TENM1: variants seen among roughly 807,000 people sequenced by gnomAD.
TENM1 encodes teneurin transmembrane protein 1.
A neutral mutation model predicts 174.8 loss-of-function variants in TENM1; 35 were observed. The ratio of observed to expected loss-of-function variants is 0.20; its 90% CI spans 0.15 to 0.27. TENM1 has a LOEUF of 0.27. Among genes scored for constraint, TENM1 ranks in the 10% least tolerant of loss-of-function variants. The pLI is 1.00. For missense variants in TENM1, 1,633 were observed against 2,130.1 expected (o/e 0.77, Z 4.59); for synonymous variants, 781 against 798.7 (o/e 0.98, Z 0.37).
chrX:124,428,002 C>T lies in TENM1; in HGVS notation c.4105-5364G>A, dbSNP rs56812740. On this transcript the variant is annotated intron_variant, in intron 23 of 31. Coordinates refer to ENST00000422452, the Ensembl canonical transcript of TENM1. ...CAGCAGCAAAGCTCTGTAAACTCTG[C>T]CTAGTGACCCAACCTACAGGCAAAC... Among the ~76,000 whole-genome samples the T allele has an allele frequency of 6.6e-3, 734 of 111,787 alleles. 3 individuals are homozygous for T. Among genetic ancestry groups the T allele is most frequent in the African/African-American group, 0.022 (685 of 30,742 alleles).
chrX:124,926,088 T>C (rs2058088240), intron 1 of TENM1, among the ~76,000 whole-genome samples: 1 of 112,564 alleles, frequency 8.9e-6, no homozygotes, highest in African/African-American at 3.2e-5. Context: ...ATAGGGTACA[T>C]GGGATGTCAG....
At chrX:124,681,857 G>T (rs2052243445) in intron 5 of TENM1, among the ~76,000 whole-genome samples, 1 of 111,624 alleles carries the variant, frequency 9.0e-6, no homozygotes, top group Non-Finnish European at 1.9e-5. Flanking sequence ...GCCCAATAAA[G>T]GTTAGCAATC....
chrX:124,580,405 T>C (rs898342146), intron 11 of TENM1, among the ~76,000 whole-genome samples: 10 of 109,925 alleles, frequency 9.1e-5, no homozygotes, highest in African/African-American at 3.3e-4. Flanking sequence ...TATATATATA[T>C]ATGTATATAT....
chrX:125,138,235 C>T, the TENM1 span, among the ~76,000 whole-genome samples: 1 of 100,688 alleles, frequency 9.9e-6, no homozygotes, highest in African/African-American at 3.9e-5. Flanking sequence ...AGGGAGACAG[C>T]ACGGGCTCAA....
chrX:124,879,166 C>A (rs1240162227), intron 3 of TENM1, among the ~76,000 whole-genome samples: 1 of 111,587 alleles, frequency 9.0e-6, no homozygotes, highest in East Asian at 2.8e-4. Flanking sequence ...TTGAAATATA[C>A]AATACATTGC....
intron 1 of TENM1, among the ~76,000 whole-genome samples, chrX:124,947,546 C>G (rs2058421472): frequency 9.0e-6 from 1 of 111,577 alleles, no homozygotes; most frequent in South Asian, 3.7e-4. Flanking sequence ...TAAATGAGAT[C>G]ATGCTTAACA....
intron 11 of TENM1, among the ~76,000 whole-genome samples, chrX:124,600,228 A>G (rs747834834): frequency 1.8e-5 from 2 of 110,613 alleles, no homozygotes; most frequent in Admixed American, 1.9e-4. Context: ...AGGGCAGGGA[A>G]AGTGCAAGGT....
the TENM1 span, among the ~76,000 whole-genome samples, chrX:125,199,516 C>T: frequency 6.2e-5 from 7 of 112,180 alleles, no homozygotes; most frequent in Non-Finnish European, 7.5e-5. Context: ...CATTACATCA[C>T]ATTAAAAACA....
intron 3 of TENM1, among the ~76,000 whole-genome samples, chrX:124,787,742 C>G (rs1230565556): frequency 8.9e-6 from 1 of 112,214 alleles, no homozygotes; most frequent in Admixed American, 9.5e-5. Context: ...TTTAACTCCT[C>G]CAGTTCCCTA....
At chrX:124,688,135 C>CTCTCT (rs1225514180) in intron 5 of TENM1, among the ~76,000 whole-genome samples, 1 of 103,659 alleles carries the variant, frequency 9.6e-6, no homozygotes. Context: ...CTCTCCTCTC[C>CTCTCT]TCTCTTCTCT....
At chrX:124,645,397 C>T in intron 9 of TENM1, 60 bp from the exon 13 acceptor site, 1 of 1,081,968 alleles carries the variant, frequency 9.2e-7, no homozygotes, top group South Asian at 2.3e-5. Flanking sequence ...CTCCAAAGAG[C>T]AATTCTCTAT....
At chrX:124,985,687 T>C in the TENM1 span, among the ~76,000 whole-genome samples, 5 of 111,692 alleles carry the variant, frequency 4.5e-5, no homozygotes, top group Non-Finnish European at 7.5e-5. Context: ...TTATAAACAC[T>C]AATCAGCTGC....
intron 22 of TENM1, among the ~76,000 whole-genome samples, chrX:124,462,546 A>T (rs2061190691): frequency 9.1e-6 from 1 of 109,693 alleles, no homozygotes; most frequent in Non-Finnish European, 1.9e-5. Context: ...TTTTATAGGA[A>T]GTTTCCCTTT....
At chrX:124,633,650 TATAAAG>T (rs1173198147) in intron 11 of TENM1, among the ~76,000 whole-genome samples, 4 of 111,088 alleles carry the variant, frequency 3.6e-5, no homozygotes, top group Admixed American at 9.6e-5. Flanking sequence ...TGAACTTTTG[TATAAAG>T]ATAAAGAATT....
chrX:124,528,182 A>G (rs1339563302), intron 16 of TENM1, among the ~76,000 whole-genome samples: 1 of 110,039 alleles, frequency 9.1e-6, no homozygotes, highest in Non-Finnish European at 1.9e-5. Context: ...TCTGACTAGT[A>G]TCTGTCATCT....
chrX:124,477,913 C>A (rs1309659607), intron 22 of TENM1, among the ~76,000 whole-genome samples: 1 of 105,206 alleles, frequency 9.5e-6, no homozygotes, highest in East Asian at 2.8e-4. Context: ...TGTAGTATGT[C>A]CAGGTAAATT....
At chrX:124,455,743 G>C (rs749631921) in intron 22 of TENM1, among the ~76,000 whole-genome samples, 1 of 111,599 alleles carries the variant, frequency 9.0e-6, no homozygotes, top group Admixed American at 9.6e-5. Flanking sequence ...CTAAGACTAA[G>C]AGGAATACTC....
chrX:124,384,081 G>C, exon 30 of TENM1: 2 of 1,211,454 alleles, frequency 1.7e-6, no homozygotes, highest in Non-Finnish European at 1.1e-6. Flanking sequence ...ACTCTTATGG[G>C]GTTGGTAAGG....
the TENM1 span, among the ~76,000 whole-genome samples, chrX:125,162,257 C>G: frequency 1.6e-4 from 18 of 111,883 alleles, no homozygotes; most frequent in Non-Finnish European, 3.2e-4. Flanking sequence ...CATTTGAGCA[C>G]TCTCAGAATT....
Sources: gnomAD v4.1 joint callset for allele counts (sites outside exome capture counted in the v4.1 genomes callset) on GRCh38, gnomAD v4.1.1 for gene constraint, MANE v1.5 for transcripts, NCBI Gene and HGNC (gene_info 2026-07-23, HGNC 2026-07-21) for gene names.